The following KLHL1 variants were observed in gnomAD, a reference collection of about 807,000 sequenced individuals.
KLHL1 encodes the protein kelch like family member 1.
Under a neutral mutation model 77.7 loss-of-function variants are expected in KLHL1, and 47 were observed. That is an observed-to-expected ratio of 0.60 (90% CI 0.48 to 0.77). KLHL1 has a LOEUF of 0.77. KLHL1 is among the 30% of genes least tolerant of loss of function. The probability of loss-of-function intolerance (pLI) is 0.00; values close to 1 mark genes in which losing one functional copy is unlikely to be tolerated. For synonymous variants in KLHL1, 360 were observed against 325.2 expected, an observed-to-expected ratio of 1.11 and a Z score of -1.15; for missense variants, 925 against 910.8, an observed-to-expected ratio of 1.02 and a Z score of -0.20.
At position 69,900,155 on chromosome 13, in the gene KLHL1, G is replaced by A. The variant is rs73508498; in HGVS notation, c.1015-17660C>T. Among the ~76,000 whole-genome samples the A allele has an allele frequency of 8.1e-3, 1,236 of 152,202 alleles. 23 individuals carry two copies. Among genetic ancestry groups the A allele is most frequent in the African/African-American group, 0.028 (1,181 of 41,520 alleles). On this transcript the variant is annotated intron_variant, in intron 4 of 10. Coordinates refer to ENST00000377844, the MANE Select transcript of KLHL1 (RefSeq NM_020866.3). ...ACTCTGGATATGGGTTTGCCTCTATGCCCTTCAATAACATCGAATTGCCTA... is the reference window on the plus strand; with the variant it reads ...ACTCTGGATATGGGTTTGCCTCTATACCCTTCAATAACATCGAATTGCCTA...
In KLHL1 at chr13:70,084,643, TTTTTTG is replaced by T. The variant is rs1355583461; in HGVS notation, c.497+22554_497+22559del. On this transcript the variant is annotated intron_variant, in intron 1 of 10. Coordinates refer to ENST00000377844, the MANE Select transcript of KLHL1 (RefSeq NM_020866.3). ...CAGGCTTTTTTTTTTTTTTTTTTTT[TTTTTTG>T]AATTTTTAGTAGAGACGGGGTTTCA... Among the ~76,000 whole-genome samples the T allele has an allele frequency of 5.2e-3, 658 of 127,276 alleles. 11 individuals carry two copies. The highest frequency in any genetic ancestry group is 0.02 in the African/African-American group (630 of 32,292). The allele number at this position is 127,276 out of a possible 152,430, so 83.5% of individuals were successfully genotyped here. A position where few individuals can be genotyped will look rare whatever the true frequency, so the allele number is the denominator to read the frequency against.
intron 6 of KLHL1, among the ~76,000 whole-genome samples, chr13:69,832,162 G>T (rs1473847591): frequency 3.3e-5 from 5 of 149,538 alleles, no homozygotes; most frequent in Non-Finnish European, 7.4e-5. Flanking sequence ...TCAAACTGTC[G>T]CTGTTCACTG....
In KLHL1 at chr13:69,870,692, T is replaced by C. The variant is rs557739570; in HGVS notation, c.1227+11591A>G. Among the ~76,000 whole-genome samples, 237 of 151,980 alleles carry C rather than the reference T, an allele frequency of 1.6e-3. 1 individual carries two copies. Among genetic ancestry groups the C allele is most frequent in the African/African-American group, 5.3e-3 (219 of 41,474 alleles). Reference sequence around the variant, plus strand: ...TGGTTATGCAAGCATCGGGTAAACATTCCCATTCCAAAAGAGACAAATTGG... The same window carrying C: ...TGGTTATGCAAGCATCGGGTAAACACTCCCATTCCAAAAGAGACAAATTGG... On this transcript the variant is annotated intron_variant, in intron 5 of 10. Transcript: ENST00000377844.
chr13:70,065,394 C>T (rs1424909180), intron 1 of KLHL1, among the ~76,000 whole-genome samples: 1 of 152,096 alleles, frequency 6.6e-6, no homozygotes. Context: ...GCATGCTAGC[C>T]AATTCTCCTA....
At chr13:69,873,789 T>C (rs1343541815) in intron 5 of KLHL1, among the ~76,000 whole-genome samples, 2 of 152,122 alleles carry the variant, frequency 1.3e-5, no homozygotes, top group African/African-American at 4.8e-5. Context: ...GAAGCTAAAC[T>C]TGCTAAGACC....
chr13:69,992,311 C>T (rs1566480133), intron 1 of KLHL1, among the ~76,000 whole-genome samples: 3 of 151,886 alleles, frequency 2.0e-5, no homozygotes. Context: ...ATTACAATCT[C>T]TTTTGAACAA....
intron 6 of KLHL1, among the ~76,000 whole-genome samples, chr13:69,838,538 A>G (rs7339175): frequency 0.081 from 12,281 of 151,832 alleles, 937 homozygotes; most frequent in African/African-American, 0.2. Context: ...TATAACTTTC[A>G]CCATTCTTAT....
chr13:69,989,476 A>T (rs1014538041), intron 1 of KLHL1, among the ~76,000 whole-genome samples: 2 of 151,944 alleles, frequency 1.3e-5, no homozygotes, highest in Non-Finnish European at 2.9e-5. Flanking sequence ...TTTGAGAATT[A>T]GTTTTTTTAG....
At chr13:69,990,245 T>C (rs1242795931) in intron 1 of KLHL1, among the ~76,000 whole-genome samples, 1 of 151,936 alleles carries the variant, frequency 6.6e-6, no homozygotes, top group Non-Finnish European at 1.5e-5. Flanking sequence ...AGTGACCTTA[T>C]AAAGCAACTA....
At position 69,899,002 on chromosome 13, in the gene KLHL1, G is replaced by T. The variant is rs1053269292; in HGVS notation, c.1015-16507C>A. ...GTCAGCTGCAATTGATATCACAAAT[G>T]CAATAAAAATTACACATTTTTTTTT... On this transcript the variant is annotated intron_variant, in intron 4 of 10. Coordinates refer to ENST00000377844, the MANE Select transcript of KLHL1 (RefSeq NM_020866.3). 5.2e-5 allele frequency among the ~76,000 whole-genome samples: 7 copies of T among 134,778 alleles called. No individual in the cohort carries two copies. The South Asian group carries it at 1.8e-3, about 35-fold the overall frequency. The allele number at this position is 134,778 out of a possible 152,430, so 88.4% of individuals were successfully genotyped here.
chr13:70,077,584 G>A (rs1044432653), intron 1 of KLHL1, among the ~76,000 whole-genome samples: 1 of 151,988 alleles, frequency 6.6e-6, no homozygotes, highest in Admixed American at 6.6e-5. Context: ...CAAACCCATA[G>A]ATTTTGGATA....
intron 1 of KLHL1, among the ~76,000 whole-genome samples, chr13:70,033,273 T>TTTTTG (rs1195734627): frequency 2.0e-5 from 3 of 151,956 alleles, no homozygotes; most frequent in African/African-American, 4.8e-5. Flanking sequence ...TTCTAATAAT[T>TTTTTG]TTTTGTTTTG....
intron 1 of KLHL1, among the ~76,000 whole-genome samples, chr13:70,022,146 A>G (rs1320339325): frequency 6.6e-6 from 1 of 151,846 alleles, no homozygotes; most frequent in African/African-American, 2.4e-5. Flanking sequence ...TTATCTATCA[A>G]TTTTGGGGGA....
intron 1 of KLHL1, among the ~76,000 whole-genome samples, chr13:70,027,985 A>G (rs1430569686): frequency 6.6e-6 from 1 of 152,154 alleles, no homozygotes; most frequent in Non-Finnish European, 1.5e-5. Flanking sequence ...TATACCCATG[A>G]TTGAAGAAAT....
At position 69,832,585 on chromosome 13, in the gene KLHL1, T is replaced by TA. The variant is rs1448109703; in HGVS notation, c.1414+6390dup. Among the ~76,000 whole-genome samples, 8 of 135,686 alleles carry TA rather than the reference T, an allele frequency of 5.9e-5. 1 individual carries two copies. Among genetic ancestry groups the TA allele is most frequent in the South Asian group, 2.2e-4 (1 of 4,628 alleles). 89.0% of individuals were successfully genotyped at this position (135,686 alleles called of 152,430 possible). On this transcript the variant is annotated intron_variant, in intron 6 of 10. Coordinates refer to ENST00000377844, the MANE Select transcript of KLHL1 (RefSeq NM_020866.3). ...AAATATTTTCATTCTTCATAGAACT[T>TA]AAAAAAAATTCTAAACCTCACGTGG...
chr13:69,765,133 G>A (rs1317895435), intron 7 of KLHL1, among the ~76,000 whole-genome samples: 1 of 150,892 alleles, frequency 6.6e-6, no homozygotes, highest in African/African-American at 2.4e-5. Context: ...TATTTTTCGA[G>A]TAGAGATGGG....
chr13:69,782,152 T>A (rs1876250135), intron 7 of KLHL1, among the ~76,000 whole-genome samples: 1 of 152,216 alleles, frequency 6.6e-6, no homozygotes, highest in Admixed American at 6.5e-5. Flanking sequence ...GAATTATGTC[T>A]GGTTTTAAAG....
At chr13:69,990,464 G>A (rs1334427928) in intron 1 of KLHL1, among the ~76,000 whole-genome samples, 10 of 151,860 alleles carry the variant, frequency 6.6e-5, no homozygotes, top group Non-Finnish European at 1.5e-4. Context: ...CAAAATAAAG[G>A]GATGAAGAAA....
intron 7 of KLHL1, among the ~76,000 whole-genome samples, chr13:69,747,504 C>T (rs1477043718): frequency 3.3e-5 from 5 of 151,904 alleles, no homozygotes; most frequent in East Asian, 1.9e-4. Flanking sequence ...AGAACAGAAT[C>T]GGATTCATTG....
Sources: gnomAD v4.1 joint callset for allele counts (sites outside exome capture counted in the v4.1 genomes callset) on GRCh38, gnomAD v4.1.1 for gene constraint, MANE v1.5 for transcripts, NCBI Gene and HGNC (gene_info 2026-07-23, HGNC 2026-07-21) for gene names.